CDH22: variants seen among roughly 807,000 people sequenced by gnomAD.
CDH22 encodes the protein cadherin-22.
In CDH22, 30 loss-of-function variants were observed where a neutral mutation model predicts 58.4. The ratio of observed to expected loss-of-function variants is 0.51; its 90% CI spans 0.38 to 0.70. The LOEUF (loss-of-function observed/expected upper bound fraction) is 0.70, where lower values mean the gene tolerates loss of function less well. CDH22 is among the 30% of genes least tolerant of loss of function. The pLI, the probability that CDH22 is intolerant of heterozygous loss-of-function variation, is 0.00. For synonymous variants in CDH22, 513 were observed against 558.2 expected, an observed-to-expected ratio of 0.92 and a Z score of 1.14; for missense variants, 1,014 against 1,233.9, an observed-to-expected ratio of 0.82 and a Z score of 2.67.
intron 8 of CDH22, among the ~76,000 whole-genome samples, chr20:46,188,692 C>T (rs1245921680): frequency 6.6e-6 from 1 of 152,210 alleles, no homozygotes; most frequent in African/African-American, 2.4e-5. Context: ...TGGAATACTT[C>T]ATCCCAGCCT....
rs540231274 is a variant in CDH22, at chr20:46,175,141, C to G, written c.1916-64G>C. 4.0e-6 allele frequency: 6 copies of G among 1,484,882 alleles called. No individual in the cohort carries two copies. In the South Asian group the frequency reaches 7.3e-5, roughly 18 times the overall value. 92.0% of individuals were successfully genotyped at this position (1,484,882 alleles called of 1,614,324 possible). On this transcript the variant is annotated intron_variant, in intron 11 of 11. Transcript: ENST00000537909. ...CCTCCCAGGGCATTAGAAGGACCCTCTACCCCATCTCCTCCCGCCTCCCAC... is the reference window on the plus strand; with the variant it reads ...CCTCCCAGGGCATTAGAAGGACCCTGTACCCCATCTCCTCCCGCCTCCCAC...
At chr20:46,255,542 G>A (rs1273017901) in intron 1 of CDH22, among the ~76,000 whole-genome samples, 4 of 152,142 alleles carry the variant, frequency 2.6e-5, no homozygotes, top group African/African-American at 9.7e-5. Context: ...ACTGTTTGAG[G>A]GTGGAGCCCT....
At chr20:46,288,481 T>C (rs957227954) in intron 1 of CDH22, among the ~76,000 whole-genome samples, 8 of 152,160 alleles carry the variant, frequency 5.3e-5, no homozygotes, top group Non-Finnish European at 8.8e-5. Flanking sequence ...CACCCAAATA[T>C]GTGTGTCCAA....
chr20:46,268,439 C>T (rs1215367065), intron 1 of CDH22, among the ~76,000 whole-genome samples: 2 of 152,274 alleles, frequency 1.3e-5, no homozygotes, highest in East Asian at 1.9e-4. Context: ...TTGTCAACCT[C>T]GCAGTAAATT....
intron 8 of CDH22, among the ~76,000 whole-genome samples, chr20:46,190,492 G>A (rs1676474342): frequency 6.6e-6 from 1 of 152,222 alleles, no homozygotes; most frequent in Non-Finnish European, 1.5e-5. Context: ...ATGGCCGGCT[G>A]CAGGTGCCCC....
chr20:46,242,437 G>A (rs1272267730), intron 2 of CDH22, among the ~76,000 whole-genome samples: 1 of 152,214 alleles, frequency 6.6e-6, no homozygotes, highest in African/African-American at 2.4e-5. Flanking sequence ...GCCCTCAGTT[G>A]CTTCATCTGT....
chr20:46,223,666 C>CTTCTTTCTTTCTTTCTTTCTTTCT (rs369876048), intron 4 of CDH22, among the ~76,000 whole-genome samples: 1 of 115,524 alleles, frequency 8.7e-6, no homozygotes, highest in Non-Finnish European at 1.8e-5. Flanking sequence ...TTTTTCTTTC[C>CTTCTTTCTTTCTTTCTTTCTTTCT]TTCTTTCTTT....
At chr20:46,289,177 G>C (rs142509480) in intron 1 of CDH22, among the ~76,000 whole-genome samples, 1 of 151,930 alleles carries the variant, frequency 6.6e-6, no homozygotes, top group East Asian at 1.9e-4. Context: ...GAACACCCTC[G>C]CCCCTGATGT....
chr20:46,214,704 C>T (rs549524868), intron 5 of CDH22, among the ~76,000 whole-genome samples: 10 of 152,348 alleles, frequency 6.6e-5, no homozygotes, highest in Admixed American at 2.6e-4. Context: ...TCCCAATTCC[C>T]GCTCTGCCTT....
At chr20:46,294,973 C>T (rs1325060047) in intron 1 of CDH22, among the ~76,000 whole-genome samples, 2 of 152,248 alleles carry the variant, frequency 1.3e-5, no homozygotes, top group African/African-American at 4.8e-5. Flanking sequence ...TCTTCACACC[C>T]TTCATTCTCT....
intron 8 of CDH22, among the ~76,000 whole-genome samples, chr20:46,197,071 G>T (rs1473430147): frequency 6.6e-6 from 1 of 152,090 alleles, no homozygotes; most frequent in African/African-American, 2.4e-5. Context: ...GGATGGGATG[G>T]GGGTGGGGCT....
At chr20:46,301,996 T>C (rs1351195212) in intron 1 of CDH22, among the ~76,000 whole-genome samples, 1 of 152,122 alleles carries the variant, frequency 6.6e-6, no homozygotes, top group East Asian at 1.9e-4. Flanking sequence ...TGCCTGTGTA[T>C]TAGCATGGTC....
At chr20:46,280,425 A>G (rs2086545119) in intron 1 of CDH22, among the ~76,000 whole-genome samples, 1 of 152,148 alleles carries the variant, frequency 6.6e-6, no homozygotes, top group Admixed American at 6.5e-5. Context: ...GAGGACAATA[A>G]CAACAACAAC....
intron 6 of CDH22, among the ~76,000 whole-genome samples, chr20:46,212,422 C>T (rs2086049975): frequency 1.3e-5 from 2 of 152,066 alleles, no homozygotes; most frequent in African/African-American, 2.4e-5. Context: ...TGGATTTTTG[C>T]CTCTTTATTT....
At chr20:46,303,521 GC>G (rs1300582984) in intron 1 of CDH22, among the ~76,000 whole-genome samples, 3 of 152,128 alleles carry the variant, frequency 2.0e-5, no homozygotes, top group Non-Finnish European at 4.4e-5. Flanking sequence ...ACATAGTAAT[GC>G]TTTATATGTA....
At chr20:46,223,618 CTTTCTTTCTTT>C (rs1431401870) in intron 4 of CDH22, among the ~76,000 whole-genome samples, 2 of 143,574 alleles carry the variant, frequency 1.4e-5, no homozygotes, top group African/African-American at 3.0e-5. Flanking sequence ...CTTTCTTTTT[CTTTCTTTCTTT>C]TTTCTTTCTT....
chr20:46,243,148 C>G (rs1012561104), intron 2 of CDH22, among the ~76,000 whole-genome samples: 1 of 152,118 alleles, frequency 6.6e-6, no homozygotes, highest in Non-Finnish European at 1.5e-5. Flanking sequence ...GGACCCCAGC[C>G]CACTAGGCAG....
At position 46,303,865 on chromosome 20, in the gene CDH22, A is replaced by T. The variant is rs201106609; in HGVS notation, c.-400+4390T>A. Among the ~76,000 whole-genome samples, 11 of 152,280 alleles carry T rather than the reference A, an allele frequency of 7.2e-5. No homozygotes were observed. In the East Asian group the frequency reaches 2.1e-3, roughly 29 times the overall value. On this transcript the variant is annotated intron_variant, in intron 1 of 11. Transcript: ENST00000537909. The stretch of plus-strand genomic sequence containing the variant: ...TTAATCAAGCCAGTGACACGATCCC[A>T]CCTGCGTTAGAGAACGATCGCTCTG...
intron 1 of CDH22, among the ~76,000 whole-genome samples, chr20:46,272,937 A>C (rs2086499440): frequency 6.6e-6 from 1 of 152,216 alleles, no homozygotes; most frequent in Non-Finnish European, 1.5e-5. Context: ...TCTAGTGAGC[A>C]TCTGCATATG....
Sources: gnomAD v4.1 joint callset for allele counts (sites outside exome capture counted in the v4.1 genomes callset) on GRCh38, gnomAD v4.1.1 for gene constraint, MANE v1.5 for transcripts, NCBI Gene and HGNC (gene_info 2026-07-23, HGNC 2026-07-21) for gene names.